Variants in NALF1 observed in about 807,000 individuals in gnomAD.
NALF1 encodes NALCN channel auxiliary factor 1, also known as family with sequence similarity 155 member A.
In NALF1, 3 loss-of-function variants were observed where a neutral mutation model predicts 48.4. The observed-to-expected ratio is 0.06, with a 90% confidence interval of 0.03 to 0.16. The LOEUF (loss-of-function observed/expected upper bound fraction) is 0.16. Among genes scored for constraint, NALF1 ranks in the 10% least tolerant of loss-of-function variants. The probability of loss-of-function intolerance (pLI) is 1.00; values close to 1 mark genes in which losing one functional copy is unlikely to be tolerated. For missense variants in NALF1, 526 were observed against 571.5 expected (o/e 0.92, Z 0.81); for synonymous variants, 262 against 245.7 (o/e 1.07, Z -0.62).
At chr13:107,784,491 T>A (rs182135233) in intron 1 of NALF1, among the ~76,000 whole-genome samples, 1 of 152,290 alleles carries the variant, frequency 6.6e-6, no homozygotes, top group Non-Finnish European at 1.5e-5. Flanking sequence ...TTTTAAGGTC[T>A]GTTCTGATCA....
At chr13:107,212,734 T>C (rs1021723689) in intron 1 of NALF1, among the ~76,000 whole-genome samples, 3 of 152,218 alleles carry the variant, frequency 2.0e-5, no homozygotes, top group African/African-American at 4.8e-5. Flanking sequence ...GAATGAGCCA[T>C]GTATCCTCTG....
intron 1 of NALF1, among the ~76,000 whole-genome samples, chr13:107,786,112 G>C (rs1357569517): frequency 6.6e-6 from 1 of 152,072 alleles, no homozygotes; most frequent in Admixed American, 6.5e-5. Context: ...AACCCTCACA[G>C]GAAGGAACTC....
At chr13:107,698,734 C>T (rs1881751967) in intron 1 of NALF1, among the ~76,000 whole-genome samples, 1 of 152,052 alleles carries the variant, frequency 6.6e-6, no homozygotes, top group South Asian at 2.1e-4. Flanking sequence ...AGAATAAGAA[C>T]TACATTTCCC....
At chr13:107,235,377 C>A (rs1880320513) in intron 1 of NALF1, among the ~76,000 whole-genome samples, 1 of 151,982 alleles carries the variant, frequency 6.6e-6, no homozygotes, top group Non-Finnish European at 1.5e-5. Flanking sequence ...GCCATTGCAT[C>A]CAAATGCAAT....
Position 107,170,678 on chromosome 13 carries a change from C to T in NALF1, c.1196G>A (p.Cys399Tyr), listed in dbSNP as rs1485683399. Residue 399 changes from cysteine to tyrosine, a missense_variant, in exon 3 of 3, where the codon TGT becomes TAT. Physicochemically the swap from Cys to Tyr is radical, Grantham distance 194. Around this residue, in one of 2 missense-constraint regions of NALF1, gnomAD observed 153 missense variants for 215.9 expected, o/e 0.71. Transcript: ENST00000375915. ...TGACACTGTGAGCGATGTCCTGTGACAGGAGCCACTTTTCTCTACGGTCCC... is the reference window on the plus strand; with the variant it reads ...TGACACTGTGAGCGATGTCCTGTGATAGGAGCCACTTTTCTCTACGGTCCC... ...SKGTVEKSGS[C>Y]HRTSLTVSSA... 1 of 1,614,208 alleles carries T rather than the reference C, an allele frequency of 6.2e-7. No individual in the cohort carries two copies. Among genetic ancestry groups the T allele is most frequent in the Admixed American group, 1.7e-5 (1 of 60,030 alleles).
At chr13:107,851,860 G>A (rs1396593) in intron 1 of NALF1, among the ~76,000 whole-genome samples, 53,938 of 135,246 alleles carry the variant, frequency 0.4, 12,638 homozygotes, top group Non-Finnish European at 0.53. Flanking sequence ...GCAGGCTTGA[G>A]TGCAGCGGGA....
At chr13:107,526,779 A>T (rs1183302014) in intron 1 of NALF1, among the ~76,000 whole-genome samples, 1 of 152,190 alleles carries the variant, frequency 6.6e-6, no homozygotes, top group Non-Finnish European at 1.5e-5. Flanking sequence ...GATACTCAAA[A>T]TCAGTGAAAA....
chr13:107,477,107 C>T (rs1378641365), intron 1 of NALF1, among the ~76,000 whole-genome samples: 2 of 152,020 alleles, frequency 1.3e-5, no homozygotes, highest in Non-Finnish European at 1.5e-5. Context: ...GAAATTTGTA[C>T]ACTTGAACTT....
chr13:107,546,235 G>A lies in NALF1; in HGVS notation c.915+319447C>T, dbSNP rs1372919246. Among the ~76,000 whole-genome samples the A allele has an allele frequency of 2.0e-5, 3 of 152,174 alleles. No individual in the cohort carries two copies. In the South Asian group the frequency reaches 6.2e-4, roughly 31 times the overall value. On this transcript the variant is annotated intron_variant, in intron 1 of 2. Transcript: ENST00000375915. Reference sequence around the variant, plus strand: ...GCTCTGCAGACAGGCCTCATGAAAAGAGGGAAAGCTGCCACTTGAACTTAG... The same window carrying A: ...GCTCTGCAGACAGGCCTCATGAAAAAAGGGAAAGCTGCCACTTGAACTTAG...
intron 1 of NALF1, among the ~76,000 whole-genome samples, chr13:107,449,731 A>T (rs2139034031): frequency 6.6e-6 from 1 of 152,284 alleles, no homozygotes; most frequent in South Asian, 2.1e-4. Flanking sequence ...ATAATAGCCA[A>T]TTTTCGCACG....
intron 1 of NALF1, among the ~76,000 whole-genome samples, chr13:107,751,668 T>C (rs1330849969): frequency 1.3e-5 from 2 of 152,074 alleles, no homozygotes; most frequent in African/African-American, 2.4e-5. Context: ...AAGATACTAC[T>C]GTAAAATAAT....
chr13:107,660,434 AAAAC>A (rs1315850329), intron 1 of NALF1, among the ~76,000 whole-genome samples: 81 of 96,630 alleles, frequency 8.4e-4, no homozygotes, highest in Non-Finnish European at 4.7e-4. Context: ...CTCTGTCTCA[AAAAC>A]ACACACACAC....
chr13:107,574,355 A>C (rs976749993), intron 1 of NALF1, among the ~76,000 whole-genome samples: 2 of 152,144 alleles, frequency 1.3e-5, no homozygotes. Context: ...TGATGCCTTT[A>C]TGATTAATTG....
At chr13:107,349,793 T>G (rs184633696) in intron 1 of NALF1, among the ~76,000 whole-genome samples, 8 of 151,020 alleles carry the variant, frequency 5.3e-5, no homozygotes, top group East Asian at 1.9e-4. Flanking sequence ...CCGTGCAAGA[T>G]AGCCATAAGT....
chr13:107,728,382 G>C (rs904820378), intron 1 of NALF1, among the ~76,000 whole-genome samples: 4 of 152,168 alleles, frequency 2.6e-5, no homozygotes, highest in African/African-American at 9.7e-5. Flanking sequence ...GTTCATTGCA[G>C]GGACATGGAT....
At chr13:107,262,769 G>GCTCGCTCTCTCTCTCT (rs1880957086) in intron 1 of NALF1, among the ~76,000 whole-genome samples, 1 of 144,036 alleles carries the variant, frequency 6.9e-6, no homozygotes, top group African/African-American at 2.7e-5. Context: ...ACCCACAGGC[G>GCTCGCTCTCTCTCTCT]CTCTCTCTCT....
At chr13:107,788,587 T>C (rs1168319404) in intron 1 of NALF1, 1 of 152,234 alleles carries the variant, frequency 6.6e-6, no homozygotes, top group African/African-American at 2.4e-5. Flanking sequence ...CAGTTTTTCC[T>C]CATGTGTGAT....
At chr13:107,277,451 G>A (rs1174873201) in intron 1 of NALF1, among the ~76,000 whole-genome samples, 4 of 152,080 alleles carry the variant, frequency 2.6e-5, no homozygotes, top group Non-Finnish European at 5.9e-5. Context: ...CTACCCAGAA[G>A]GAAAGCTTTC....
intron 1 of NALF1, among the ~76,000 whole-genome samples, chr13:107,858,816 T>G (rs1238639575): frequency 1.3e-5 from 2 of 152,220 alleles, no homozygotes; most frequent in Non-Finnish European, 2.9e-5. Flanking sequence ...ATTAAACAAA[T>G]TAGAATAGTT....
Sources: gnomAD v4.1 joint callset for allele counts (sites outside exome capture counted in the v4.1 genomes callset) on GRCh38, gnomAD v4.1.1 for gene constraint, gnomAD v4.1.1 regional missense constraint, MANE v1.5 for transcripts, NCBI Gene and HGNC (gene_info 2026-07-23, HGNC 2026-07-21) for gene names.